Variants in PCDH15 observed in about 807,000 individuals in gnomAD.
PCDH15 encodes the protein protocadherin-15.
A neutral mutation model predicts 178.5 loss-of-function variants in PCDH15; 129 were observed. The ratio of observed to expected loss-of-function variants is 0.72; its 90% CI spans 0.63 to 0.84. The LOEUF (loss-of-function observed/expected upper bound fraction) is 0.84. Ranked by LOEUF, PCDH15 falls within the 40% of genes least tolerant of loss-of-function variation. The pLI, the probability that PCDH15 is intolerant of heterozygous loss-of-function variation, is 0.00. For missense variants in PCDH15, 2,230 were observed against 2,099.9 expected, an observed-to-expected ratio of 1.06 and a Z score of -1.21; for synonymous variants, 800 against 732.0, an observed-to-expected ratio of 1.09 and a Z score of -1.50.
chr10:55,416,558 A>C lies in PCDH15; in HGVS notation c.-156+211067T>G, dbSNP rs542597876. ...GGTTCAGGGCTAAGGGGTGGGTATCAGGGGAATCATCAAACTTGAGGAAAA... is the reference window on the plus strand; with the variant it reads ...GGTTCAGGGCTAAGGGGTGGGTATCCGGGGAATCATCAAACTTGAGGAAAA... On this transcript the variant is annotated intron_variant, in intron 2 of 5. Coordinates refer to the PCDH15 transcript ENST00000613346. Among the ~76,000 whole-genome samples, 29 of 151,872 alleles carry C rather than the reference A, an allele frequency of 1.9e-4. No individual in the cohort carries two copies. The South Asian group carries it at 5.8e-3, about 30-fold the overall frequency.
chr10:54,452,006 T>C (rs2076510889), intron 3 of PCDH15, among the ~76,000 whole-genome samples: 2 of 151,982 alleles, frequency 1.3e-5, no homozygotes, highest in Non-Finnish European at 2.9e-5. Flanking sequence ...CTCTAAATTA[T>C]GTAGAATTCA....
intron 1 of PCDH15, among the ~76,000 whole-genome samples, chr10:55,272,360 AT>A (rs1304354361): frequency 6.7e-6 from 1 of 149,946 alleles, no homozygotes. Flanking sequence ...GCCTTATTTT[AT>A]TTTTATTTAT....
intron 2 of PCDH15, among the ~76,000 whole-genome samples, chr10:55,027,583 A>G (rs1490742770): frequency 6.6e-6 from 1 of 151,762 alleles, no homozygotes; most frequent in Non-Finnish European, 1.5e-5. Flanking sequence ...GTGAGGAGGA[A>G]CAATCAAAGT....
intron 2 of PCDH15, among the ~76,000 whole-genome samples, chr10:54,575,964 T>C (rs2090432194): frequency 6.6e-6 from 1 of 152,206 alleles, no homozygotes; most frequent in African/African-American, 2.4e-5. Flanking sequence ...CAACATGTCT[T>C]CAGGAACTAT....
chr10:55,015,120 T>A (rs967955126), intron 2 of PCDH15, among the ~76,000 whole-genome samples: 4 of 151,950 alleles, frequency 2.6e-5, no homozygotes, highest in African/African-American at 9.7e-5. Flanking sequence ...GCTTGGGAGG[T>A]TGAGGTGAGG....
intron 1 of PCDH15, among the ~76,000 whole-genome samples, chr10:54,798,232 A>G (rs79300535): frequency 0.042 from 6,322 of 151,784 alleles, 383 homozygotes; most frequent in African/African-American, 0.14. Flanking sequence ...CTAATGAGTC[A>G]CCACACTTCC....
chr10:54,505,702 G>A (rs1343810670), intron 3 of PCDH15, among the ~76,000 whole-genome samples: 1 of 151,866 alleles, frequency 6.6e-6, no homozygotes, highest in Admixed American at 6.6e-5. Flanking sequence ...TGTAGATGAC[G>A]GGTCGATGGG....
At chr10:54,649,797 G>T (rs1363867375) in intron 2 of PCDH15, among the ~76,000 whole-genome samples, 1 of 152,124 alleles carries the variant, frequency 6.6e-6, no homozygotes, top group East Asian at 1.9e-4. Flanking sequence ...AATATTTATT[G>T]ACTGATTTTG....
intron 32 of PCDH15, chr10:53,823,385 G>A: frequency 6.3e-7 from 1 of 1,594,682 alleles, no homozygotes; most frequent in Non-Finnish European, 8.6e-7. Flanking sequence ...ATAATGAAAT[G>A]TAAGGAAACA....
rs186408373 is a variant in PCDH15, at chr10:54,128,454, C to T, written c.1917+4421G>A. 1.5e-3 allele frequency among the ~76,000 whole-genome samples: 226 copies of T among 152,218 alleles called. 2 individuals are homozygous for T. The highest frequency in any genetic ancestry group is 5.2e-3 in the African/African-American group (217 of 41,544). On this transcript the variant is annotated intron_variant, in intron 15 of 37. Coordinates refer to ENST00000644397, the MANE Select transcript of PCDH15 (RefSeq NM_001384140.1). ...ACCACATTTCTCTCCAATGTTCTCT[C>T]CCTTGTTTTAGTTGTACTGACTCAA...
intron 2 of PCDH15, among the ~76,000 whole-genome samples, chr10:55,407,773 A>C (rs760902044): frequency 5.3e-5 from 8 of 152,332 alleles, no homozygotes; most frequent in Non-Finnish European, 1.0e-4. Flanking sequence ...AGGAGAAGGC[A>C]ACAATTCCTA....
intron 2 of PCDH15, among the ~76,000 whole-genome samples, chr10:54,647,732 T>C (rs897540839): frequency 2.6e-5 from 4 of 152,110 alleles, no homozygotes; most frequent in Non-Finnish European, 5.9e-5. Context: ...TAAGATAGTA[T>C]ATACTTGATT....
chr10:54,591,035 T>G (rs1285760858), intron 2 of PCDH15, among the ~76,000 whole-genome samples: 1 of 152,172 alleles, frequency 6.6e-6, no homozygotes, highest in Non-Finnish European at 1.5e-5. Flanking sequence ...TTTTTACTTA[T>G]GCATATATAC....
At chr10:55,569,592 G>A (rs1188894596) in intron 2 of PCDH15, among the ~76,000 whole-genome samples, 1 of 150,962 alleles carries the variant, frequency 6.6e-6, no homozygotes, top group Non-Finnish European at 1.5e-5. Flanking sequence ...AAAAAAACCA[G>A]AAACAATAAT....
At chr10:54,313,943 GAACT>G (rs1211354246) in intron 8 of PCDH15, among the ~76,000 whole-genome samples, 1 of 152,032 alleles carries the variant, frequency 6.6e-6, no homozygotes, top group African/African-American at 2.4e-5. Flanking sequence ...TTTCCTCAAT[GAACT>G]AACTACTAGT....
chr10:54,589,723 C>A (rs2091755783), intron 2 of PCDH15, among the ~76,000 whole-genome samples: 1 of 152,068 alleles, frequency 6.6e-6, no homozygotes, highest in African/African-American at 2.4e-5. Context: ...ACCTCAGCCT[C>A]CCGAGTAGCT....
chr10:54,629,327 A>T (rs571920479), intron 2 of PCDH15, among the ~76,000 whole-genome samples: 3 of 152,192 alleles, frequency 2.0e-5, no homozygotes, highest in African/African-American at 7.2e-5. Context: ...GTAATAACCC[A>T]GAATTCAAGA....
chr10:55,359,747 TAC>T (rs57691062), intron 2 of PCDH15, among the ~76,000 whole-genome samples: 1,638 of 81,490 alleles, frequency 0.02, 23 homozygotes, highest in African/African-American at 0.046. Context: ...TATATATATA[TAC>T]ACACACACAC....
chr10:54,796,974 A>T (rs540605345), intron 1 of PCDH15, among the ~76,000 whole-genome samples: 5 of 152,172 alleles, frequency 3.3e-5, no homozygotes, highest in African/African-American at 1.2e-4. Context: ...TCAGTGATGC[A>T]GAATCAGAAA....
Sources: gnomAD v4.1 joint callset for allele counts (sites outside exome capture counted in the v4.1 genomes callset) on GRCh38, gnomAD v4.1.1 for gene constraint, MANE v1.5 for transcripts, NCBI Gene and HGNC (gene_info 2026-07-23, HGNC 2026-07-21) for gene names.